LANCL3: variants seen among roughly 807,000 people sequenced by gnomAD.
LANCL3 encodes the protein LanC like family member 3, also known as lanC-like protein 3.
Under a neutral mutation model 26.5 loss-of-function variants are expected in LANCL3, and 19 were observed. The observed-to-expected ratio is 0.72, with a 90% confidence interval of 0.50 to 1.05. The LOEUF is 1.05. Ranked by LOEUF, LANCL3 falls within the 50% of genes least tolerant of loss-of-function variation. The pLI is 0.00. For missense variants in LANCL3, 318 were observed against 362.7 expected (o/e 0.88, Z 1.00); for synonymous variants, 160 against 166.6 (o/e 0.96, Z 0.30).
chrX:37,592,304 GC>G (rs1924308363), intron 1 of LANCL3, among the ~76,000 whole-genome samples: 1 of 112,566 alleles, frequency 8.9e-6, no homozygotes, highest in African/African-American at 3.2e-5. Flanking sequence ...CTGTGCTAAA[GC>G]CCGCCAACTG....
intron 1 of LANCL3, among the ~76,000 whole-genome samples, chrX:37,591,012 A>G (rs1433299949): frequency 1.8e-5 from 2 of 112,076 alleles, no homozygotes; most frequent in Admixed American, 9.5e-5. Flanking sequence ...AGGTGAGGGC[A>G]TATGGCAGCA....
At chrX:37,601,295 A>C (rs1454238036) in intron 1 of LANCL3, among the ~76,000 whole-genome samples, 1 of 111,929 alleles carries the variant, frequency 8.9e-6, no homozygotes, top group Non-Finnish European at 1.9e-5. Flanking sequence ...CTGCTTTAAT[A>C]AAATGATAAT....
intron 4 of LANCL3, 93 bp downstream of exon 4, chrX:37,667,582 T>C (rs1321908051): frequency 1.5e-6 from 1 of 646,948 alleles, no homozygotes; most frequent in African/African-American, 2.4e-5. Flanking sequence ...TTGAAAAGCA[T>C]AAAAATAAAT....
At chrX:37,648,710 C>G (rs1602126967) in intron 1 of LANCL3, among the ~76,000 whole-genome samples, 1 of 111,961 alleles carries the variant, frequency 8.9e-6, no homozygotes, top group Non-Finnish European at 1.9e-5. Flanking sequence ...GCAATCTACT[C>G]ATCTGACAAA....
At chrX:37,608,451 A>G (rs963667337) in intron 1 of LANCL3, among the ~76,000 whole-genome samples, 9 of 111,587 alleles carry the variant, frequency 8.1e-5, no homozygotes, top group African/African-American at 2.3e-4. Flanking sequence ...CACACTGAGA[A>G]CCACTGGTCA....
rs141404337 is a variant in LANCL3 at position 37,663,318 on chromosome X, G to A, written c.895+3659G>A. On this transcript the variant is annotated intron_variant, in intron 3 of 4. Coordinates refer to ENST00000378619, the MANE Select transcript of LANCL3 (RefSeq NM_001170331.2). ...ATAGGATCAATGAAATCTCAGAGGG[G>A]TTCCTCATGCTGCCTTCAGGTCCAG... Among the ~76,000 whole-genome samples, 413 of 112,046 alleles carry A rather than the reference G, an allele frequency of 3.7e-3. 1 individual carries two copies. Among genetic ancestry groups the A allele is most frequent in the African/African-American group, 0.012 (368 of 30,847 alleles).
intron 1 of LANCL3, among the ~76,000 whole-genome samples, chrX:37,574,159 A>T (rs376926300): frequency 9.1e-6 from 1 of 109,573 alleles, no homozygotes; most frequent in Non-Finnish European, 1.9e-5. Context: ...AGCTGTGTCA[A>T]TTCAAGACTT....
chrX:37,606,978 C>T (rs1556420611), intron 1 of LANCL3, among the ~76,000 whole-genome samples: 1 of 112,086 alleles, frequency 8.9e-6, no homozygotes, highest in African/African-American at 3.2e-5. Context: ...TTTTTGTCTT[C>T]ACCACATTTG....
chrX:37,584,591 C>T (rs1924006081), intron 1 of LANCL3, among the ~76,000 whole-genome samples: 1 of 111,548 alleles, frequency 9.0e-6, no homozygotes, highest in Admixed American at 9.5e-5. Flanking sequence ...TCTAGGTTTT[C>T]AAGTTTATTT....
intron 1 of LANCL3, among the ~76,000 whole-genome samples, chrX:37,586,556 A>G (rs1324705276): frequency 9.0e-6 from 1 of 111,340 alleles, no homozygotes; most frequent in Non-Finnish European, 1.9e-5. Flanking sequence ...TTCATCTTCC[A>G]TCACTGATAC....
chrX:37,643,829 A>G lies in LANCL3; in HGVS notation c.574-11859A>G, dbSNP rs182396718. On this transcript the variant is annotated intron_variant, in intron 1 of 4. Coordinates refer to ENST00000378619, the MANE Select transcript of LANCL3 (RefSeq NM_001170331.2). The stretch of plus-strand genomic sequence containing the variant: ...AGGCCTGGAGTTCAGTCACTATTGG[A>G]CTTCAGATGTCCCTTTTCACTATAG... Among the ~76,000 whole-genome samples, 26 of 111,644 alleles carry G rather than the reference A, an allele frequency of 2.3e-4. 1 individual carries two copies. Among genetic ancestry groups the G allele is most frequent in the African/African-American group, 7.5e-4 (23 of 30,757 alleles).
At position 37,675,835 on chromosome X, in the gene LANCL3, G is replaced by T; in HGVS notation, c.*22G>T. On this transcript the variant is annotated 3_prime_UTR_variant, in exon 5 of 5. Coordinates refer to ENST00000378619, the MANE Select transcript of LANCL3 (RefSeq NM_001170331.2). ...TTAGAAGGCTCTATCTTCCACTGTG[G>T]CCCTGCAGAGATCCCCTGAGCCAAG... The T allele has an allele frequency of 1.8e-6, 2 of 1,091,634 alleles. No homozygotes were observed. Among genetic ancestry groups the T allele is most frequent in the Non-Finnish European group, 2.4e-6 (2 of 834,301 alleles). The allele number at this position is 1,091,634 out of a possible 1,213,427, so 90.0% of individuals were successfully genotyped here.
chrX:37,625,022 A>G (rs1420026990), intron 1 of LANCL3, among the ~76,000 whole-genome samples: 4 of 111,523 alleles, frequency 3.6e-5, no homozygotes, highest in African/African-American at 1.3e-4. Context: ...ACACTATTGT[A>G]TCCTGGTCAG....
At chrX:37,614,068 A>G (rs1272517776) in intron 1 of LANCL3, among the ~76,000 whole-genome samples, 2 of 112,101 alleles carry the variant, frequency 1.8e-5, no homozygotes, top group Non-Finnish European at 3.8e-5. Flanking sequence ...TCATCCCAGG[A>G]CACCCAGGAC....
At chrX:37,598,496 C>A (rs1234078117) in intron 1 of LANCL3, among the ~76,000 whole-genome samples, 2 of 112,027 alleles carry the variant, frequency 1.8e-5, no homozygotes, top group African/African-American at 6.5e-5. Flanking sequence ...TTGTAAGATG[C>A]ATTTTTATGT....
At chrX:37,578,839 G>A (rs1330036982) in intron 1 of LANCL3, among the ~76,000 whole-genome samples, 1 of 109,204 alleles carries the variant, frequency 9.2e-6, no homozygotes, top group Non-Finnish European at 1.9e-5. Context: ...AATTAGCTGG[G>A]CATGGTGGTA....
intron 2 of LANCL3, among the ~76,000 whole-genome samples, chrX:37,656,037 T>C (rs181791950): frequency 2.9e-4 from 33 of 112,263 alleles, no homozygotes; most frequent in African/African-American, 1.0e-3. Flanking sequence ...TAACAATTAC[T>C]TTCACTAAAG....
At chrX:37,582,147 G>A (rs1390217496) in intron 1 of LANCL3, among the ~76,000 whole-genome samples, 1 of 112,192 alleles carries the variant, frequency 8.9e-6, no homozygotes, top group East Asian at 2.8e-4. Context: ...ATTCCATGGT[G>A]TATATGTGCC....
chrX:37,581,642 A>G (rs1175604598), intron 1 of LANCL3, among the ~76,000 whole-genome samples: 1 of 112,020 alleles, frequency 8.9e-6, no homozygotes, highest in Non-Finnish European at 1.9e-5. Flanking sequence ...TAAAATGATC[A>G]GACATCTTCC....
Sources: gnomAD v4.1 joint callset for allele counts (sites outside exome capture counted in the v4.1 genomes callset) on GRCh38, gnomAD v4.1.1 for gene constraint, MANE v1.5 for transcripts, NCBI Gene and HGNC (gene_info 2026-07-23, HGNC 2026-07-21) for gene names.